MECOM: variants seen among roughly 807,000 people sequenced by gnomAD.
MECOM encodes the protein MDS1 and EVI1 complex locus.
A neutral mutation model predicts 116.3 loss-of-function variants in MECOM; 13 were observed. That is an observed-to-expected ratio of 0.11 (90% CI 0.07 to 0.18). The LOEUF (loss-of-function observed/expected upper bound fraction) is 0.18, where lower values mean the gene tolerates loss of function less well. Ranked by LOEUF, MECOM falls within the 10% of genes least tolerant of loss-of-function variation. The probability of loss-of-function intolerance (pLI) is 1.00; values close to 1 mark genes in which losing one functional copy is unlikely to be tolerated. For synonymous variants in MECOM, 528 were observed against 535.2 expected, an observed-to-expected ratio of 0.99 and a Z score of 0.19; for missense variants, 1,299 against 1,509.0, an observed-to-expected ratio of 0.86 and a Z score of 2.31.
intron 3 of MECOM, among the ~76,000 whole-genome samples, chr3:169,143,261 A>G (rs1276388488): frequency 6.6e-6 from 1 of 152,108 alleles, no homozygotes; most frequent in African/African-American, 2.4e-5. Context: ...ATTAGATAAG[A>G]TAACACTGAT....
chr3:169,200,515 T>C (rs1248672204), intron 2 of MECOM, among the ~76,000 whole-genome samples: 1 of 152,044 alleles, frequency 6.6e-6, no homozygotes, highest in Non-Finnish European at 1.5e-5. Flanking sequence ...AAACTTGTCA[T>C]TTAGCAGAGT....
At chr3:169,449,734 G>C (rs370283020) in intron 1 of MECOM, among the ~76,000 whole-genome samples, 1 of 152,016 alleles carries the variant, frequency 6.6e-6, no homozygotes, top group Non-Finnish European at 1.5e-5. Flanking sequence ...GAGACAATAC[G>C]TAAAGAAATA....
intron 2 of MECOM, among the ~76,000 whole-genome samples, chr3:169,191,916 G>A (rs984278035): frequency 6.6e-6 from 1 of 151,964 alleles, no homozygotes; most frequent in Non-Finnish European, 1.5e-5. Flanking sequence ...TGAAGAAAAA[G>A]TGGAAAAAAA....
At chr3:169,479,534 A>T (rs964236260) in intron 1 of MECOM, among the ~76,000 whole-genome samples, 20 of 151,934 alleles carry the variant, frequency 1.3e-4, no homozygotes, top group African/African-American at 4.6e-4. Flanking sequence ...CGGCCTTCAC[A>T]TGCCTCTGCA....
chr3:169,430,602 C>T (rs542742483), intron 1 of MECOM, among the ~76,000 whole-genome samples: 19 of 152,208 alleles, frequency 1.2e-4, no homozygotes, highest in African/African-American at 2.9e-4. Context: ...AAAGGCCTCC[C>T]GCACTATTTC....
chr3:169,269,512 G>A (rs1023480438), intron 2 of MECOM, among the ~76,000 whole-genome samples: 9 of 152,192 alleles, frequency 5.9e-5, no homozygotes, highest in Non-Finnish European at 1.2e-4. Context: ...AACGCACTCA[G>A]GGTATGACTC....
At position 169,486,016 on chromosome 3, in the gene MECOM, ATG is replaced by A. The variant is rs201741149; in HGVS notation, c.38-104494_38-104493del. 5.5e-3 allele frequency among the ~76,000 whole-genome samples: 633 copies of A among 114,590 alleles called. 7 individuals carry two copies. The highest frequency in any genetic ancestry group is 0.021 in the African/African-American group (596 of 27,734). The allele number at this position is 114,590 out of a possible 152,430, so 75.2% of individuals were successfully genotyped here. On this transcript the variant is annotated intron_variant, in intron 1 of 16. Coordinates refer to ENST00000651503, the MANE Select transcript of MECOM (RefSeq NM_004991.4). ...ATATGTATATATATACTATATATAT[ATG>A]TATATATAGTATATATATATATGTA...
At chr3:169,163,208 T>C (rs1416356364) in intron 2 of MECOM, among the ~76,000 whole-genome samples, 3 of 152,030 alleles carry the variant, frequency 2.0e-5, no homozygotes, top group South Asian at 4.1e-4. Context: ...TATCCATTCA[T>C]TTTTTTTCTT....
chr3:169,619,945 C>G (rs1013341228), intron 1 of MECOM, among the ~76,000 whole-genome samples: 3 of 152,206 alleles, frequency 2.0e-5, no homozygotes, highest in African/African-American at 7.2e-5. Flanking sequence ...CCTTCATGTT[C>G]TAAGACAGTC....
chr3:169,142,650 T>A (rs1738483793), intron 3 of MECOM, among the ~76,000 whole-genome samples: 1 of 152,014 alleles, frequency 6.6e-6, no homozygotes, highest in Non-Finnish European at 1.5e-5. Flanking sequence ...AACCTAATTT[T>A]ACAATTTACT....
At chr3:169,232,621 A>G (rs1753536308) in intron 2 of MECOM, among the ~76,000 whole-genome samples, 1 of 150,136 alleles carries the variant, frequency 6.7e-6, no homozygotes, top group Non-Finnish European at 1.5e-5. Context: ...CATTTTACAT[A>G]GGAATCCAGT....
At chr3:169,224,077 G>A (rs1752440897) in intron 2 of MECOM, among the ~76,000 whole-genome samples, 2 of 152,168 alleles carry the variant, frequency 1.3e-5, no homozygotes, top group South Asian at 4.1e-4. Context: ...CACTGACGGG[G>A]GTGCCTTTCA....
chr3:169,210,277 A>AC (rs1184812674), intron 2 of MECOM, among the ~76,000 whole-genome samples: 1 of 152,148 alleles, frequency 6.6e-6, no homozygotes, highest in African/African-American at 2.4e-5. Flanking sequence ...GCAGCCAACC[A>AC]CCATGGCACA....
At chr3:169,093,463 C>A (rs951117482) in intron 13 of MECOM, among the ~76,000 whole-genome samples, 3 of 152,186 alleles carry the variant, frequency 2.0e-5, no homozygotes, top group Non-Finnish European at 2.9e-5. Context: ...CCAAGAGACA[C>A]TCTATATGAA....
intron 8 of MECOM, 51 bp from the exon 9 acceptor site, chr3:169,112,925 C>A: frequency 7.9e-7 from 1 of 1,268,184 alleles, no homozygotes; most frequent in South Asian, 1.2e-5. Context: ...ACATATCAAT[C>A]ACTACATAAT....
intron 1 of MECOM, among the ~76,000 whole-genome samples, chr3:169,643,944 G>C (rs1435499018): frequency 1.3e-5 from 2 of 152,178 alleles, no homozygotes; most frequent in Non-Finnish European, 2.9e-5. Context: ...ATGCAGTCTA[G>C]CAGCTAAGAA....
chr3:169,549,480 C>G (rs1481280911), intron 1 of MECOM, among the ~76,000 whole-genome samples: 1 of 151,914 alleles, frequency 6.6e-6, no homozygotes, highest in Admixed American at 6.5e-5. Flanking sequence ...ATCCTGATAC[C>G]AAAAGACAAG....
chr3:169,387,689 C>G (rs959043109), intron 1 of MECOM, among the ~76,000 whole-genome samples: 7 of 152,064 alleles, frequency 4.6e-5, no homozygotes, highest in Non-Finnish European at 1.0e-4. Flanking sequence ...CTCAACTGTA[C>G]ACATATATGC....
intron 1 of MECOM, among the ~76,000 whole-genome samples, chr3:169,497,890 T>C (rs1754029654): frequency 1.3e-5 from 2 of 152,198 alleles, no homozygotes; most frequent in African/African-American, 4.8e-5. Context: ...TTTTGTTTTG[T>C]TTTGTTTCTT....
Sources: gnomAD v4.1 joint callset for allele counts (sites outside exome capture counted in the v4.1 genomes callset) on GRCh38, gnomAD v4.1.1 for gene constraint, MANE v1.5 for transcripts, NCBI Gene and HGNC (gene_info 2026-07-23, HGNC 2026-07-21) for gene names.